Variants in RAE1 observed in about 807,000 individuals in gnomAD.
RAE1 encodes the protein mRNA export factor RAE1.
Under a neutral mutation model 52.7 loss-of-function variants are expected in RAE1, and 13 were observed. The observed-to-expected ratio is 0.25, with a 90% CI of 0.16 to 0.39. The LOEUF (loss-of-function observed/expected upper bound fraction) is 0.39. Ranked by LOEUF, RAE1 falls within the 10% of genes least tolerant of loss-of-function variation. RAE1 has a pLI of 1.00. For missense variants in RAE1, 262 were observed against 459.8 expected (o/e 0.57, Z 3.93); for synonymous variants, 164 against 153.1 (o/e 1.07, Z -0.52).
intron 4 of RAE1, among the ~76,000 whole-genome samples, chr20:57,362,714 A>G (rs2066906751): frequency 1.3e-5 from 2 of 152,222 alleles, no homozygotes; most frequent in South Asian, 2.1e-4. Flanking sequence ...GGGAAAAACA[A>G]TACAGAAAGC....
intron 3 of RAE1, among the ~76,000 whole-genome samples, chr20:57,356,109 G>A (rs938863223): frequency 2.0e-5 from 3 of 152,258 alleles, no homozygotes; most frequent in African/African-American, 7.2e-5. Context: ...ATTATATAAA[G>A]TATTCAGAAA....
chr20:57,375,880 C>T (rs114546640), intron 11 of RAE1, among the ~76,000 whole-genome samples: 1,661 of 152,286 alleles, frequency 0.011, 23 homozygotes, highest in African/African-American at 0.038. Context: ...GTTTATTCTG[C>T]TTTGGGCTGT....
At chr20:57,366,118 G>A (rs2066950491) in intron 5 of RAE1, among the ~76,000 whole-genome samples, 1 of 152,170 alleles carries the variant, frequency 6.6e-6, no homozygotes, top group Non-Finnish European at 1.5e-5. Context: ...TAAAACTGTG[G>A]TGGAATCCCC....
At chr20:57,366,436 C>T (rs144288409) in intron 5 of RAE1, among the ~76,000 whole-genome samples, 28 of 152,250 alleles carry the variant, frequency 1.8e-4, no homozygotes, top group Admixed American at 3.9e-4. Flanking sequence ...GGAGCAGGCA[C>T]ATCACATGGC....
rs772373086 is a variant in RAE1 at position 57,365,436 on chromosome 20, C to T, written c.369C>T (p.Ile123=). 22 of 1,601,486 alleles carry T rather than the reference C, an allele frequency of 1.4e-5. No individual in the cohort carries two copies. Among genetic ancestry groups the T allele is most frequent in the Admixed American group, 1.4e-4 (8 of 59,254 alleles). Reference sequence around the variant, plus strand: ...TCAGCAGTAACCAAGCGATACAGATCGCACAGGTAACAGAAGCCTCTGCAG... The same window carrying T: ...TCAGCAGTAACCAAGCGATACAGATTGCACAGGTAACAGAAGCCTCTGCAG... ...WDLSSNQAIQ[I]AQHDAPVKTI... Residue 123 remains isoleucine (I), a synonymous_variant, in exon 5 of 12, where the codon ATC becomes ATT. Transcript: ENST00000395841.
At chr20:57,360,646 T>A (rs1022580173) in intron 4 of RAE1, among the ~76,000 whole-genome samples, 7 of 152,370 alleles carry the variant, frequency 4.6e-5, no homozygotes, top group South Asian at 2.1e-4. Context: ...TTTCGTAGTA[T>A]GTTTTATTTC....
In RAE1 at chr20:57,353,733, A is replaced by G. The variant is rs142640845; in HGVS notation, c.-7-299A>G. Among the ~76,000 whole-genome samples, 535 of 152,352 alleles carry G rather than the reference A, an allele frequency of 3.5e-3. 4 individuals carry two copies. Among genetic ancestry groups the G allele is most frequent in the African/African-American group, 0.012 (491 of 41,600 alleles). ...GCTGGTGCCTACAAAATAATCTGCA[A>G]TGTATCCATACTGGTTTATTAATGG... On this transcript the variant is annotated intron_variant, in intron 1 of 11. Transcript: ENST00000395841.
At chr20:57,361,068 T>C (rs1382888462) in intron 4 of RAE1, among the ~76,000 whole-genome samples, 1 of 151,640 alleles carries the variant, frequency 6.6e-6, no homozygotes, top group Non-Finnish European at 1.5e-5. Flanking sequence ...GTAGAATACT[T>C]AAGTGGAAAA....
chr20:57,373,809 G>A, intron 10 of RAE1, 71 bp downstream of exon 10: 1 of 1,492,794 alleles, frequency 6.7e-7, no homozygotes, highest in Non-Finnish European at 9.3e-7. Context: ...GAGGAATTGT[G>A]GGATCAGAAA....
chr20:57,376,712 G>A (rs575298132), intron 11 of RAE1, among the ~76,000 whole-genome samples: 5 of 152,206 alleles, frequency 3.3e-5, no homozygotes, highest in Admixed American at 1.3e-4. Context: ...TGTGGCGTGC[G>A]TGGAGCCCGA....
intron 5 of RAE1, among the ~76,000 whole-genome samples, chr20:57,366,242 T>A (rs187101443): frequency 0.01 from 1,595 of 152,294 alleles, 14 homozygotes; most frequent in Non-Finnish European, 0.015. Context: ...GATATATGTT[T>A]TTGTGTTAAA....
chr20:57,374,790 G>A lies in RAE1; in HGVS notation c.1009G>A (p.Asp337Asn), dbSNP rs2146179178. 3 of 1,614,168 alleles carry A rather than the reference G, an allele frequency of 1.9e-6. No homozygotes were observed. The highest frequency in any genetic ancestry group is 1.3e-5 in the African/African-American group (1 of 75,040). The change falls in exon 11 of 12, where the codon GAC becomes AAC. Residue 337 changes from aspartate to asparagine, a missense_variant. Asp to Asn is a conservative substitution (Grantham distance 23). Transcript: ENST00000395841. ...GNIFAYASSY[D>N]WSKGHEFYNP... ...CATATTTGCATACGCTTCCAGCTAC[G>A]ACTGGTCAAAGGTGAGAACTCCCGG...
At chr20:57,352,545 A>G (rs1285516945) in intron 1 of RAE1, among the ~76,000 whole-genome samples, 2 of 152,228 alleles carry the variant, frequency 1.3e-5, no homozygotes, top group South Asian at 2.1e-4. Flanking sequence ...TGCTCAGCAT[A>G]AGGTGTGGTC....
intron 1 of RAE1, among the ~76,000 whole-genome samples, chr20:57,353,174 G>T (rs534500604): frequency 6.6e-6 from 1 of 152,316 alleles, no homozygotes; most frequent in South Asian, 2.1e-4. Context: ...TGGTTTCAGT[G>T]TACGTAACTC....
Position 57,378,452 on chromosome 20 carries a change from A to G in RAE1, c.*353A>G, listed in dbSNP as rs1171657419. 1.0e-5 allele frequency: 2 copies of G among 199,864 alleles called. No individual in the cohort carries two copies. Among genetic ancestry groups the G allele is most frequent in the Non-Finnish European group, 2.0e-5 (2 of 99,308 alleles). The allele number at this position is 199,864 out of a possible 1,614,324, so 12.4% of individuals were successfully genotyped here. On this transcript the variant is annotated 3_prime_UTR_variant, in exon 12 of 12. Coordinates refer to ENST00000395841, the MANE Select transcript of RAE1 (RefSeq NM_003610.4). Reference sequence around the variant, plus strand: ...TATTTTGTAATAAAGTCTTTTGCAGATTGCTTCCCGAGCTTCCTTTGTCCT... The same window carrying G: ...TATTTTGTAATAAAGTCTTTTGCAGGTTGCTTCCCGAGCTTCCTTTGTCCT...
At chr20:57,369,697 C>G (rs182302428) in intron 8 of RAE1, among the ~76,000 whole-genome samples, 2 of 152,340 alleles carry the variant, frequency 1.3e-5, no homozygotes, top group Admixed American at 6.5e-5. Context: ...TAGATGCTTG[C>G]TAGCTTTTTC....
Position 57,351,269 on chromosome 20 carries a change from C to T in RAE1, c.-161C>T, listed in dbSNP as rs1480363162. ...GCACGCGCGTTGTTTCCGCGGTAGT[C>T]AGGGCAGTTTCTACCGCAGGCTTAA... is the stretch of plus-strand genomic sequence containing the variant. On this transcript the variant is annotated 5_prime_UTR_variant, in exon 1 of 12. Transcript: ENST00000395841. The T allele has an allele frequency of 7.1e-6, 7 of 985,430 alleles. No homozygotes were observed. The highest frequency in any genetic ancestry group is 1.1e-4 in the East Asian group (1 of 8,810). The allele number at this position is 985,430 out of a possible 1,614,324, so 61.0% of individuals were successfully genotyped here. A position where few individuals can be genotyped will look rare whatever the true frequency, so the allele number is the denominator to read the frequency against.
At position 57,367,183 on chromosome 20, in the gene RAE1, C is replaced by T. The variant is rs1277086557; in HGVS notation, c.534+104C>T. 3 of 1,028,910 alleles carry T rather than the reference C, an allele frequency of 2.9e-6. No homozygotes were observed. In the Admixed American group the frequency reaches 7.4e-5, roughly 26 times the overall value. The allele number at this position is 1,028,910 out of a possible 1,614,324, so 63.7% of individuals were successfully genotyped here. On this transcript the variant is annotated intron_variant, in intron 7 of 11. Coordinates refer to ENST00000395841, the MANE Select transcript of RAE1 (RefSeq NM_003610.4). ...TTAGTGAGTGGATAATATAAAAATC[C>T]TGCTAGCTTTAGTAATAGATATAAA...
intron 4 of RAE1, chr20:57,359,061 G>A (rs1373593591): frequency 9.5e-6 from 14 of 1,481,364 alleles, no homozygotes; most frequent in Non-Finnish European, 1.3e-5. Flanking sequence ...CCTATTTAGA[G>A]AACAAGTGAT....
Sources: gnomAD v4.1 joint callset for allele counts (sites outside exome capture counted in the v4.1 genomes callset) on GRCh38, gnomAD v4.1.1 for gene constraint, MANE v1.5 for transcripts, NCBI Gene and HGNC (gene_info 2026-07-23, HGNC 2026-07-21) for gene names.